Variants in XK observed in about 807,000 individuals in gnomAD.
XK encodes X-linked Kx blood group antigen, Kell and VPS13A binding protein.
Under a neutral mutation model 14.0 loss-of-function variants are expected in XK, and 2 were observed. That is an observed-to-expected ratio of 0.14 (90% CI 0.06 to 0.45). The LOEUF is 0.45. XK is among the 20% of genes least tolerant of loss of function. The pLI, the probability that XK is intolerant of heterozygous loss-of-function variation, is 0.98. For synonymous variants in XK, 149 were observed against 147.5 expected (o/e 1.01, Z -0.08); for missense variants, 235 against 341.5 (o/e 0.69, Z 2.46).
At chrX:37,712,627 C>A (rs1052016538) in intron 2 of XK, among the ~76,000 whole-genome samples, 5 of 111,596 alleles carry the variant, frequency 4.5e-5, no homozygotes, top group Non-Finnish European at 7.5e-5. Flanking sequence ...CATGCTTTCA[C>A]AATGAGTGTA....
intron 2 of XK, among the ~76,000 whole-genome samples, chrX:37,713,188 C>T (rs1927699901): frequency 8.9e-6 from 1 of 111,967 alleles, no homozygotes; most frequent in Non-Finnish European, 1.9e-5. Flanking sequence ...TCAGCTGAGG[C>T]AGCTTGACTA....
At chrX:37,689,905 A>G (rs1217621696) in intron 1 of XK, among the ~76,000 whole-genome samples, 1 of 112,067 alleles carries the variant, frequency 8.9e-6, no homozygotes. Flanking sequence ...CATTTATGCT[A>G]ATTTTTATAA....
chrX:37,697,775 T>C (rs1556442765), intron 2 of XK, among the ~76,000 whole-genome samples: 1 of 112,220 alleles, frequency 8.9e-6, no homozygotes, highest in Non-Finnish European at 1.9e-5. Context: ...TTAGAACATT[T>C]TCATCACACC....
Position 37,728,118 on chromosome X carries a change from C to T in XK, c.991C>T (p.Leu331Phe), listed in dbSNP as rs782058104. The change falls in exon 3 of 3, where the codon CTC becomes TTC. Residue 331 changes from leucine (L) to phenylalanine (F), a missense_variant. Physicochemically the swap from Leu to Phe is conservative, Grantham distance 22. Coordinates refer to ENST00000378616, the MANE Select transcript of XK (RefSeq NM_021083.4). The stretch of plus-strand genomic sequence containing the variant: ...GATAAGATTCATCGAGAATGCCATC[C>T]TCCTCCTCCTGTGGTATCTTTTCAA... ...YMIRFIENAILLLLWYLFKTD... is the reference protein window; with the variant it reads ...YMIRFIENAIFLLLWYLFKTD... The T allele has an allele frequency of 2.5e-6, 3 of 1,211,157 alleles. No individual in the cohort carries two copies. Among genetic ancestry groups the T allele is most frequent in the Non-Finnish European group, 2.2e-6 (2 of 895,146 alleles).
chrX:37,722,489 G>A (rs1556449164), intron 2 of XK, among the ~76,000 whole-genome samples: 1 of 111,810 alleles, frequency 8.9e-6, no homozygotes, highest in African/African-American at 3.2e-5. Context: ...TTTGTTCACT[G>A]AGTTGAAAGA....
At chrX:37,699,476 A>G (rs1556443235) in intron 2 of XK, among the ~76,000 whole-genome samples, 1 of 112,442 alleles carries the variant, frequency 8.9e-6, no homozygotes, top group East Asian at 2.8e-4. Context: ...GACTAGAGAT[A>G]TCAAAATGAA....
intron 2 of XK, among the ~76,000 whole-genome samples, chrX:37,702,378 A>G (rs1927433500): frequency 8.9e-6 from 1 of 112,180 alleles, no homozygotes; most frequent in Admixed American, 9.4e-5. Context: ...GGCCCTAAGG[A>G]CAACCCTGAC....
At chrX:37,701,036 GT>G (rs1440991623) in intron 2 of XK, among the ~76,000 whole-genome samples, 10 of 112,141 alleles carry the variant, frequency 8.9e-5, no homozygotes, top group Non-Finnish European at 1.7e-4. Flanking sequence ...ATGACACATT[GT>G]TTGGAATATA....
intron 1 of XK, among the ~76,000 whole-genome samples, chrX:37,693,823 T>C (rs1160558875): frequency 8.9e-6 from 1 of 111,847 alleles, no homozygotes; most frequent in Non-Finnish European, 1.9e-5. Flanking sequence ...TGTGCGTGCA[T>C]GCATGCATGC....
chrX:37,709,678 A>ACACAT (rs1556446252), intron 2 of XK, among the ~76,000 whole-genome samples: 8 of 112,389 alleles, frequency 7.1e-5, no homozygotes, highest in African/African-American at 1.9e-4. Flanking sequence ...AAAAATCAAT[A>ACACAT]GTACAATTTC....
At chrX:37,708,455 C>T (rs1408311598) in intron 2 of XK, among the ~76,000 whole-genome samples, 4 of 111,921 alleles carry the variant, frequency 3.6e-5, no homozygotes, top group African/African-American at 1.3e-4. Context: ...ACCTTGACTT[C>T]AGCCCAGCCA....
Position 37,685,948 on chromosome X carries a change from G to A in XK, c.-14G>A. 2 of 1,202,411 alleles carry A rather than the reference G, an allele frequency of 1.7e-6. No homozygotes were observed. Among genetic ancestry groups the A allele is most frequent in the South Asian group, 1.8e-5 (1 of 55,744 alleles). On this transcript the variant is annotated 5_prime_UTR_variant, in exon 1 of 3. Coordinates refer to ENST00000378616, the MANE Select transcript of XK (RefSeq NM_021083.4). ...ACTGCGTCCGTCCCCGGTGAGCGCC[G>A]CTGACGCGCGGAGATGAAATTCCCG... is the stretch of plus-strand genomic sequence containing the variant.
intron 2 of XK, among the ~76,000 whole-genome samples, chrX:37,722,453 C>A (rs1330489425): frequency 9.0e-6 from 1 of 110,828 alleles, no homozygotes; most frequent in Non-Finnish European, 1.9e-5. Flanking sequence ...TGGGGAGATC[C>A]CGGCTCCAGA....
rs1368889407 is a variant in XK at position 37,729,737 on chromosome X, C to T, written c.*1275C>T. 3 of 111,254 alleles carry T rather than the reference C, an allele frequency of 2.7e-5. No homozygotes were observed. Among genetic ancestry groups the T allele is most frequent in the East Asian group, 2.8e-4 (1 of 3,539 alleles). 9.2% of individuals were successfully genotyped at this position (111,254 alleles called of 1,213,427 possible). ...TGAAAAGAGGTGACCATAAAGATCA[C>T]ACCAATTTAGAATGAATATTAAAGT... On this transcript the variant is annotated 3_prime_UTR_variant, in exon 3 of 3. Coordinates refer to ENST00000378616, the MANE Select transcript of XK (RefSeq NM_021083.4).
intron 2 of XK, among the ~76,000 whole-genome samples, chrX:37,703,758 C>T (rs1240120259): frequency 9.0e-6 from 1 of 111,599 alleles, no homozygotes; most frequent in Non-Finnish European, 1.9e-5. Flanking sequence ...AAAGGGGTCT[C>T]AAAAGAGAAA....
At chrX:37,692,538 C>G (rs1927222857) in intron 1 of XK, among the ~76,000 whole-genome samples, 1 of 111,710 alleles carries the variant, frequency 9.0e-6, no homozygotes, top group East Asian at 2.8e-4. Context: ...GTAGGTGAGA[C>G]TACAAGGGTG....
chrX:37,705,865 C>T (rs782071917), intron 2 of XK, among the ~76,000 whole-genome samples: 1 of 108,172 alleles, frequency 9.2e-6, no homozygotes, highest in South Asian at 4.1e-4. Context: ...CCATCCTCCC[C>T]ACTGAGCCTC....
Position 37,728,509 on chromosome X carries a change from A to T in XK, c.*47A>T. ...ACAGGCATATTATTTTCTGGGTTTG[A>T]TACTCGTTATTCATACAAATAATGA... On this transcript the variant is annotated 3_prime_UTR_variant, in exon 3 of 3. Transcript: ENST00000378616. 1 of 1,146,761 alleles carries T rather than the reference A, an allele frequency of 8.7e-7. No homozygotes were observed. The highest frequency in any genetic ancestry group is 3.0e-5 in the East Asian group (1 of 33,614). 94.5% of individuals were successfully genotyped at this position (1,146,761 alleles called of 1,213,427 possible). A position where few individuals can be genotyped will look rare whatever the true frequency, so the allele number is the denominator to read the frequency against.
chrX:37,727,051 G>A (rs1160339825), intron 2 of XK, among the ~76,000 whole-genome samples: 1 of 111,892 alleles, frequency 8.9e-6, no homozygotes, highest in East Asian at 2.8e-4. Flanking sequence ...AACACACCAT[G>A]TAAAGGACTC....
Sources: allele counts gnomAD v4.1 joint callset (sites outside exome capture counted in the v4.1 genomes callset), GRCh38; gene constraint gnomAD v4.1.1; transcripts MANE v1.5; gene names NCBI Gene and HGNC (gene_info 2026-07-23, HGNC 2026-07-21).